Variants in GPR37 observed in about 807,000 individuals in gnomAD.
The protein encoded by GPR37 is G protein-coupled receptor 37.
GPR37 carries 20 observed loss-of-function variants against 43.6 expected under a neutral mutation model. The ratio of observed to expected loss-of-function variants is 0.46; its 90% CI spans 0.32 to 0.67. GPR37 has a LOEUF of 0.67. Among genes scored for constraint, GPR37 ranks in the 30% least tolerant of loss-of-function variants. GPR37 has a pLI of 0.03. For synonymous variants in GPR37, 315 were observed against 322.6 expected, an observed-to-expected ratio of 0.98 and a Z score of 0.25; for missense variants, 724 against 797.2, an observed-to-expected ratio of 0.91 and a Z score of 1.11.
In GPR37 at chr7:124,747,011, A is replaced by T; in HGVS notation, c.1356T>A (p.Cys452Ter). 1 of 1,613,964 alleles carries T rather than the reference A, an allele frequency of 6.2e-7. No homozygotes were observed. The highest frequency in any genetic ancestry group is 8.5e-7 in the Non-Finnish European group (1 of 1,179,908). Residue 452 changes from cysteine (C) to a stop codon, truncating the protein, a stop_gained, in exon 2 of 2, where the codon TGT becomes TGA. Transcript: ENST00000303921. LOFTEE classifies it high-confidence loss of function. ...RLWWYFGCYF[C>*]LPTLFTITCS... ...AGGTGATGGTGAAAAGCGTGGGCAA[A>T]CAAAAGTAACAGCCAAAATACCACC...
At position 124,765,002 on chromosome 7, in the gene GPR37, C is replaced by A. The variant is rs750943043; in HGVS notation, c.-26G>T. 11 of 1,434,726 alleles carry A rather than the reference C, an allele frequency of 7.7e-6. No homozygotes were observed. Among genetic ancestry groups the A allele is most frequent in the Non-Finnish European group, 9.1e-6 (10 of 1,098,030 alleles). 88.9% of individuals were successfully genotyped at this position (1,434,726 alleles called of 1,614,324 possible). A position where few individuals can be genotyped will look rare whatever the true frequency, so the allele number is the denominator to read the frequency against. ...GGCTTGGTGAGGGCACACCCGGCAG[C>A]CGCAGCTCCTGCTTAGTTAGGATCG... On this transcript the variant is annotated 5_prime_UTR_variant, in exon 1 of 2. Coordinates refer to ENST00000303921, the MANE Select transcript of GPR37 (RefSeq NM_005302.5).
rs1584728987 is a variant in GPR37 at position 124,765,586 on chromosome 7, T to G, written c.-610A>C. 6.6e-6 allele frequency: 1 copy of G among 152,290 alleles called. No individual in the cohort carries two copies. The highest frequency in any genetic ancestry group is 1.9e-4 in the East Asian group (1 of 5,190). The allele number at this position is 152,290 out of a possible 1,614,324, so 9.4% of individuals were successfully genotyped here. ...CTTGCCCCACCTAACCCCAGCGACT[T>G]GCGAGCCTACTGCTGCCGAGGAGAA... On this transcript the variant is annotated 5_prime_UTR_variant, in exon 1 of 2. Coordinates refer to ENST00000303921, the MANE Select transcript of GPR37 (RefSeq NM_005302.5).
intron 1 of GPR37, among the ~76,000 whole-genome samples, chr7:124,761,420 G>T (rs1458823996): frequency 6.6e-6 from 1 of 152,162 alleles, no homozygotes; most frequent in Non-Finnish European, 1.5e-5. Flanking sequence ...TAAAGGCTGA[G>T]CCCTCTTGCC....
rs1256716876 is a variant in GPR37, at chr7:124,746,883, A to C, written c.1484T>G (p.Val495Gly). The change falls in exon 2 of 2, where the codon GTG becomes GGG. Residue 495 changes from valine (V) to glycine (G), a missense_variant. Val to Gly is a moderately radical substitution (Grantham distance 109, BLOSUM62 -3). This residue lies in a region of GPR37 where 342 missense variants were observed against 441.8 expected (regional missense o/e 0.77). Coordinates refer to ENST00000303921, the MANE Select transcript of GPR37 (RefSeq NM_005302.5). ...QLESQMNCTV[V>G]ALTILYGFCI... is the part of the protein sequence containing the mutation. The stretch of plus-strand genomic sequence containing the variant: ...AAATCCATATAAAATGGTCAGTGCC[A>C]CTACTGTACAGTTCATCTGACTCTC... 6.2e-7 allele frequency: 1 copy of C among 1,614,058 alleles called. No individual in the cohort carries two copies. The highest frequency in any genetic ancestry group is 1.1e-5 in the South Asian group (1 of 91,088).
In GPR37 at chr7:124,747,212, A is replaced by G; in HGVS notation, c.1155T>C (p.Val385=). Residue 385 remains valine (V), a synonymous_variant, in exon 2 of 2, where the codon GTT becomes GTC. Transcript: ENST00000303921. ...NCSSTTAKLA[V]IWVGALLLAL... ...CTAACAATAGAGCTCCCACCCATAT[A>G]ACAGCAAGTTTGGCAGTTGTTGAGG... 1 of 1,613,918 alleles carries G rather than the reference A, an allele frequency of 6.2e-7. No homozygotes were observed. The highest frequency in any genetic ancestry group is 1.1e-5 in the South Asian group (1 of 91,078).
In GPR37 at chr7:124,764,738, A is replaced by C. The variant is rs996129085; in HGVS notation, c.239T>G (p.Phe80Cys). The stretch of plus-strand genomic sequence containing the variant: ...CAGGTCCCAGGAGGGTCCCGCAAGA[A>C]ACGCTGCCCCCTGCTCCTCCCTGGG... ...RAPREEQGAA[F>C]LAGPSWDLPA... is the part of the protein sequence containing the mutation. The change falls in exon 1 of 2, where the codon TTT (phenylalanine) becomes TGT (cysteine). Residue 80 changes from phenylalanine to cysteine, a missense_variant. Coordinates refer to ENST00000303921, the MANE Select transcript of GPR37 (RefSeq NM_005302.5). The surrounding 1 kb of genome is among the most constrained non-coding windows in gnomAD (Gnocchi z 5.4). The C allele has an allele frequency of 6.2e-7, 1 of 1,610,326 alleles. No individual in the cohort carries two copies. Among genetic ancestry groups the C allele is most frequent in the Non-Finnish European group, 8.5e-7 (1 of 1,179,538 alleles).
chr7:124,764,189 G>C lies in GPR37; in HGVS notation c.788C>G (p.Ala263Gly). The C allele has an allele frequency of 6.3e-7, 1 of 1,594,624 alleles. No individual in the cohort carries two copies. Among genetic ancestry groups the C allele is most frequent in the Middle Eastern group, 1.7e-4 (1 of 5,962 alleles). Reference sequence around the variant, plus strand: ...GATCACCACGGACAGACACATGACCGCGTAGGCTCCATAGGACTCCTGGGT... The same window carrying C: ...GATCACCACGGACAGACACATGACCCCGTAGGCTCCATAGGACTCCTGGGT... ...PLTQESYGAY[A>G]VMCLSVVIFG... The change falls in exon 1 of 2, where the codon GCG becomes GGG. Residue 263 changes from alanine (A) to glycine (G), a missense_variant. Physicochemically the swap from Ala to Gly is moderately conservative, Grantham distance 60 (BLOSUM62 0). Coordinates refer to ENST00000303921, the MANE Select transcript of GPR37 (RefSeq NM_005302.5). This position sits in a 1 kb window ranked among gnomAD's most constrained non-coding sequence, Gnocchi z 5.4.
intron 1 of GPR37, among the ~76,000 whole-genome samples, chr7:124,749,569 C>G (rs1469630779): frequency 6.6e-5 from 10 of 152,142 alleles, no homozygotes; most frequent in African/African-American, 2.4e-4. Context: ...AGAGCTACGG[C>G]AACTTGCCTT....
chr7:124,751,370 G>A (rs1224060204), intron 1 of GPR37, among the ~76,000 whole-genome samples: 1 of 152,132 alleles, frequency 6.6e-6, no homozygotes, highest in South Asian at 2.1e-4. Flanking sequence ...ACATTTTATG[G>A]TGTGAAAGAG....
chr7:124,758,494 T>C (rs1793815541), intron 1 of GPR37, among the ~76,000 whole-genome samples: 1 of 152,196 alleles, frequency 6.6e-6, no homozygotes, highest in Non-Finnish European at 1.5e-5. Flanking sequence ...ATTTACCATA[T>C]GCCATGATAA....
intron 1 of GPR37, among the ~76,000 whole-genome samples, chr7:124,756,112 A>G (rs1328070503): frequency 6.6e-6 from 1 of 152,188 alleles, no homozygotes; most frequent in Non-Finnish European, 1.5e-5. Flanking sequence ...GTTATTTCTA[A>G]ATTGCATATC....
chr7:124,758,902 T>A (rs1793821628), intron 1 of GPR37, among the ~76,000 whole-genome samples: 1 of 152,134 alleles, frequency 6.6e-6, no homozygotes, highest in Non-Finnish European at 1.5e-5. Context: ...GTGGGTTCTT[T>A]AAACTAAAGA....
rs767987181 is a variant in GPR37 at position 124,764,775 on chromosome 7, G to C, written c.202C>G (p.Arg68Gly). 1 of 1,613,034 alleles carries C rather than the reference G, an allele frequency of 6.2e-7. No individual in the cohort carries two copies. The highest frequency in any genetic ancestry group is 8.5e-7 in the Non-Finnish European group (1 of 1,179,976). ...GPGNSARDVL[R>G]ARAPREEQGA... Reference sequence around the variant, plus strand: ...TGCTCCTCCCTGGGTGCTCGGGCTCGCAGAACGTCTCTTGCAGAATTTCCC... The same window carrying C: ...TGCTCCTCCCTGGGTGCTCGGGCTCCCAGAACGTCTCTTGCAGAATTTCCC... The change falls in exon 1 of 2, where the codon CGA becomes GGA. Residue 68 changes from arginine (R) to glycine (G), a missense_variant. This residue lies in a region of GPR37 where 382 missense variants were observed against 355.4 expected (regional missense o/e 1.07). Transcript: ENST00000303921. The surrounding 1 kb of genome is among the most constrained non-coding windows in gnomAD (Gnocchi z 5.4).
chr7:124,745,848 T>C lies in GPR37; in HGVS notation c.*677A>G, dbSNP rs768022574. 12 of 152,214 alleles carry C rather than the reference T, an allele frequency of 7.9e-5. No individual in the cohort carries two copies. The highest frequency in any genetic ancestry group is 1.5e-4 in the Non-Finnish European group (10 of 68,020). 9.4% of individuals were successfully genotyped at this position (152,214 alleles called of 1,614,324 possible). A position where few individuals can be genotyped will look rare whatever the true frequency, so the allele number is the denominator to read the frequency against. ...TACCTGAATATTAAAAATACAGCTT[T>C]GTTTTAACATACAACATAGTTTTAT... is the stretch of plus-strand genomic sequence containing the variant. On this transcript the variant is annotated 3_prime_UTR_variant, in exon 2 of 2. Coordinates refer to ENST00000303921, the MANE Select transcript of GPR37 (RefSeq NM_005302.5).
chr7:124,764,358 G>A lies in GPR37; in HGVS notation c.619C>T (p.His207Tyr). The A allele has an allele frequency of 9.9e-6, 16 of 1,613,258 alleles. No homozygotes were observed. The highest frequency in any genetic ancestry group is 1.3e-5 in the African/African-American group (1 of 75,038). Residue 207 changes from histidine to tyrosine, a missense_variant, in exon 1 of 2, where the codon CAC (histidine) becomes TAC (tyrosine). Coordinates refer to ENST00000303921, the MANE Select transcript of GPR37 (RefSeq NM_005302.5). This position sits in a 1 kb window ranked among gnomAD's most constrained non-coding sequence, Gnocchi z 5.4. ...LSKTANGLAG[H>Y]EGWTIALPGR... ...GGGAGTGCAATTGTCCACCCTTCGTGCCCCGCCAGTCCATTGGCCGTCTTG... is the reference window on the plus strand; with the variant it reads ...GGGAGTGCAATTGTCCACCCTTCGTACCCCGCCAGTCCATTGGCCGTCTTG...
chr7:124,747,365 A>T, intron 1 of GPR37, 22 bp from the exon 2 acceptor site: 1 of 1,502,860 alleles, frequency 6.7e-7, no homozygotes, highest in South Asian at 1.2e-5. Flanking sequence ...CATAGAAGAC[A>T]TTTATTCCCG....
Position 124,746,321 on chromosome 7 carries a change from C to T in GPR37, c.*204G>A. The T allele has an allele frequency of 2.3e-6, 1 of 426,446 alleles. No individual in the cohort carries two copies. The highest frequency in any genetic ancestry group is 4.2e-6 in the Non-Finnish European group (1 of 240,584). 26.4% of individuals were successfully genotyped at this position (426,446 alleles called of 1,614,324 possible). A position where few individuals can be genotyped will look rare whatever the true frequency, so the allele number is the denominator to read the frequency against. On this transcript the variant is annotated 3_prime_UTR_variant, in exon 2 of 2. Transcript: ENST00000303921. ...GATAAAATAATCTAAAACTATTGGC[C>T]TTCTCATTCTTCTTAAATAACTAAA... is the stretch of plus-strand genomic sequence containing the variant.
rs759898719 is a variant in GPR37 at position 124,746,638 on chromosome 7, T to C, written c.1729A>G (p.Thr577Ala). The change falls in exon 2 of 2, where the codon ACG becomes GCG. Residue 577 changes from threonine to alanine, a missense_variant. This residue lies in a region of GPR37 where 342 missense variants were observed against 441.8 expected (regional missense o/e 0.77). Coordinates refer to ENST00000303921, the MANE Select transcript of GPR37 (RefSeq NM_005302.5). The part of the protein sequence containing the change: ...CCEECIQKSS[T>A]VTSDDNDNEY... The stretch of plus-strand genomic sequence containing the variant: ...TTGTCATTGTCATCACTGGTCACCG[T>C]TGAAGACTTCTGAATGCATTCCTCA... 6 of 1,613,810 alleles carry C rather than the reference T, an allele frequency of 3.7e-6. No homozygotes were observed. The East Asian group carries it at 6.7e-5, about 18-fold the overall frequency.
intron 1 of GPR37, among the ~76,000 whole-genome samples, chr7:124,761,018 G>C (rs569742879): frequency 3.0e-4 from 46 of 151,946 alleles, no homozygotes; most frequent in Non-Finnish European, 5.1e-4. Context: ...AATTAGCCGG[G>C]TGTGGTGACA....
Sources: gnomAD v4.1 joint callset for allele counts (sites outside exome capture counted in the v4.1 genomes callset) on GRCh38, gnomAD v4.1.1 for gene constraint, gnomAD v4.1.1 regional missense constraint, Gnocchi (gnomAD v3.1) non-coding constraint, MANE v1.5 for transcripts, NCBI Gene and HGNC (gene_info 2026-07-23, HGNC 2026-07-21) for gene names.